Variants in ESRRG observed in about 807,000 individuals in gnomAD.
ESRRG encodes estrogen-related receptor gamma.
Under a neutral mutation model 44.0 loss-of-function variants are expected in ESRRG, and 13 were observed. The ratio of observed to expected loss-of-function variants is 0.30; its 90% CI spans 0.19 to 0.47. The LOEUF (loss-of-function observed/expected upper bound fraction) is 0.47, where lower values mean the gene tolerates loss of function less well. Among genes scored for constraint, ESRRG ranks in the 20% least tolerant of loss-of-function variants. ESRRG has a pLI of 1.00. For missense variants in ESRRG, 395 were observed against 580.6 expected (o/e 0.68, Z 3.29); for synonymous variants, 215 against 214.6 (o/e 1.00, Z -0.02).
Position 216,506,534 on chromosome 1 carries a change from G to A in ESRRG, c.*405C>T. 2.4e-6 allele frequency: 1 copy of A among 424,372 alleles called. No homozygotes were observed. The highest frequency in any genetic ancestry group is 1.7e-5 in the South Asian group (1 of 57,948). The allele number at this position is 424,372 out of a possible 1,614,324, so 26.3% of individuals were successfully genotyped here. On this transcript the variant is annotated 3_prime_UTR_variant, in exon 7 of 7. Transcript: ENST00000408911. ...AGGGAGGATTTTTTTTTAAACTAAAGCTATTTCAAATTTAGAAAAAAGGGG... is the reference window on the plus strand; with the variant it reads ...AGGGAGGATTTTTTTTTAAACTAAAACTATTTCAAATTTAGAAAAAAGGGG...
At chr1:216,940,876 G>A (rs2065114898) in intron 1 of ESRRG, among the ~76,000 whole-genome samples, 1 of 152,188 alleles carries the variant, frequency 6.6e-6, no homozygotes, top group African/African-American at 2.4e-5. Context: ...GTAATTTACT[G>A]TAATGCTAAA....
chr1:216,900,687 G>A (rs1430582077), intron 2 of ESRRG, among the ~76,000 whole-genome samples: 1 of 152,092 alleles, frequency 6.6e-6, no homozygotes, highest in African/African-American at 2.4e-5. Context: ...TTAAGGAGTG[G>A]ACCAAGGGTA....
At chr1:216,673,942 T>C (rs925217297) in intron 2 of ESRRG, among the ~76,000 whole-genome samples, 1 of 152,188 alleles carries the variant, frequency 6.6e-6, no homozygotes, top group South Asian at 2.1e-4. Flanking sequence ...AGGTTCTCAG[T>C]AAATATTCGT....
chr1:216,636,426 C>T (rs2065310837), intron 3 of ESRRG, among the ~76,000 whole-genome samples: 1 of 152,188 alleles, frequency 6.6e-6, no homozygotes, highest in Admixed American at 6.5e-5. Flanking sequence ...TATGCCTTAG[C>T]ACTTCGTGTT....
At chr1:216,772,508 C>G (rs1182392049) in intron 2 of ESRRG, among the ~76,000 whole-genome samples, 2 of 152,098 alleles carry the variant, frequency 1.3e-5, no homozygotes, top group East Asian at 3.9e-4. Flanking sequence ...AATTGTGACA[C>G]TAACATATGA....
At chr1:217,064,967 G>C (rs1297300334) in intron 1 of ESRRG, among the ~76,000 whole-genome samples, 1 of 152,102 alleles carries the variant, frequency 6.6e-6, no homozygotes, top group Non-Finnish European at 1.5e-5. Flanking sequence ...AGAAATTATA[G>C]TCCCTCCTAT....
chr1:216,592,869 G>A (rs1221772008), intron 3 of ESRRG, among the ~76,000 whole-genome samples: 1 of 152,122 alleles, frequency 6.6e-6, no homozygotes, highest in Admixed American at 6.5e-5. Flanking sequence ...TGTTTTTCAG[G>A]TTATGAAGCA....
chr1:216,661,527 G>A (rs1034845720), intron 2 of ESRRG, among the ~76,000 whole-genome samples: 1 of 152,164 alleles, frequency 6.6e-6, no homozygotes, highest in Non-Finnish European at 1.5e-5. Context: ...GTTTCAATGT[G>A]TACATTTTAT....
intron 3 of ESRRG, among the ~76,000 whole-genome samples, chr1:216,644,011 G>A (rs2066987236): frequency 6.6e-6 from 1 of 152,126 alleles, no homozygotes. Context: ...CATAGATACA[G>A]GAAGGTCCTA....
chr1:216,677,605 G>A, intron 1 of ESRRG, 114 bp from the exon 2 acceptor site: 3 of 894,800 alleles, frequency 3.4e-6, no homozygotes, highest in Non-Finnish European at 5.0e-6. Flanking sequence ...GAAAGGGAAA[G>A]GTAAAAGGAG....
At chr1:216,603,774 C>T (rs150314955) in intron 3 of ESRRG, among the ~76,000 whole-genome samples, 92 of 151,910 alleles carry the variant, frequency 6.1e-4, no homozygotes, top group African/African-American at 2.2e-3. Flanking sequence ...ACTAAAAATA[C>T]AAAATTAGCC....
intron 2 of ESRRG, among the ~76,000 whole-genome samples, chr1:216,804,032 T>TA (rs5780927): frequency 0.9 from 135,163 of 149,592 alleles, 61,235 homozygotes; most frequent in Middle Eastern, 0.96. Flanking sequence ...TAAGGCAGAA[T>TA]AAAAAAAAAA....
chr1:217,124,067 T>C (rs1437088572), intron 1 of ESRRG, among the ~76,000 whole-genome samples: 6 of 152,212 alleles, frequency 3.9e-5, no homozygotes, highest in Non-Finnish European at 5.9e-5. Flanking sequence ...ACTTTCCAGA[T>C]GTTGGTTTGA....
chr1:216,760,273 A>T (rs1006662361), intron 2 of ESRRG, among the ~76,000 whole-genome samples: 2 of 151,972 alleles, frequency 1.3e-5, no homozygotes, highest in African/African-American at 4.8e-5. Context: ...AAAAATCTCA[A>T]ATTCTTTTAA....
chr1:216,841,005 A>C (rs763621925), intron 2 of ESRRG, among the ~76,000 whole-genome samples: 3 of 152,138 alleles, frequency 2.0e-5, no homozygotes, highest in Non-Finnish European at 4.4e-5. Context: ...TGTTGGAAAA[A>C]TGGCAGTAGG....
intron 2 of ESRRG, among the ~76,000 whole-genome samples, chr1:216,822,199 C>T (rs566022961): frequency 4.4e-4 from 67 of 152,214 alleles, no homozygotes; most frequent in Admixed American, 3.1e-3. Context: ...TGTGCCCAGC[C>T]TACATGTAAA....
chr1:216,710,265 G>T (rs1439644161), intron 1 of ESRRG, among the ~76,000 whole-genome samples: 2 of 152,122 alleles, frequency 1.3e-5, no homozygotes, highest in Non-Finnish European at 2.9e-5. Flanking sequence ...GATGGGCTGG[G>T]GCTCACGCTG....
chr1:216,656,870 T>C (rs1317826645), intron 2 of ESRRG, among the ~76,000 whole-genome samples: 1 of 152,168 alleles, frequency 6.6e-6, no homozygotes, highest in Non-Finnish European at 1.5e-5. Flanking sequence ...TAGCTTGCAA[T>C]GACCCACAGG....
At chr1:216,977,093 T>G (rs576224343) in intron 1 of ESRRG, among the ~76,000 whole-genome samples, 37 of 152,204 alleles carry the variant, frequency 2.4e-4, no homozygotes, top group African/African-American at 8.9e-4. Context: ...AGGTGTTTCT[T>G]TCATTGTTTG....
Sources: gnomAD v4.1 joint callset for allele counts (sites outside exome capture counted in the v4.1 genomes callset) on GRCh38, gnomAD v4.1.1 for gene constraint, MANE v1.5 for transcripts, NCBI Gene and HGNC (gene_info 2026-07-23, HGNC 2026-07-21) for gene names.